RHBDD1: variants seen among roughly 807,000 people sequenced by gnomAD.
RHBDD1 encodes rhomboid-related protein 4.
RHBDD1 carries 38 observed loss-of-function variants against 36.3 expected under a neutral mutation model. The ratio of observed to expected loss-of-function variants is 1.05; its 90% CI spans 0.81 to 1.37. RHBDD1 has a LOEUF of 1.37. Ranked by LOEUF, RHBDD1 falls within the 40% of genes most tolerant of loss-of-function variation. The probability of loss-of-function intolerance (pLI) is 0.00; values close to 1 mark genes in which losing one functional copy is unlikely to be tolerated. For synonymous variants in RHBDD1, 151 were observed against 136.5 expected (o/e 1.11, Z -0.74); for missense variants, 393 against 377.6 (o/e 1.04, Z -0.34).
intron 8 of RHBDD1, among the ~76,000 whole-genome samples, chr2:226,982,252 T>A (rs1404011082): frequency 6.6e-6 from 1 of 152,250 alleles, no homozygotes; most frequent in African/African-American, 2.4e-5. Flanking sequence ...CAGAGCAGTT[T>A]GTCTTCCTCT....
At chr2:226,976,442 A>T (rs537423283) in intron 8 of RHBDD1, among the ~76,000 whole-genome samples, 78 of 152,052 alleles carry the variant, frequency 5.1e-4, no homozygotes, top group African/African-American at 1.8e-3. Flanking sequence ...GTTGTAAATT[A>T]TCAAAATGTG....
chr2:226,892,694 C>T (rs1946784385), intron 5 of RHBDD1, among the ~76,000 whole-genome samples: 2 of 152,162 alleles, frequency 1.3e-5, no homozygotes. Context: ...GTCTTGCCTA[C>T]TCTCGAAATG....
At chr2:226,986,372 C>T (rs1457733830) in intron 8 of RHBDD1, among the ~76,000 whole-genome samples, 1 of 152,106 alleles carries the variant, frequency 6.6e-6, no homozygotes, top group East Asian at 1.9e-4. Context: ...TTAGTTTCGA[C>T]AAATGTACTG....
chr2:226,913,094 G>A (rs1948635329), intron 7 of RHBDD1, among the ~76,000 whole-genome samples: 1 of 152,120 alleles, frequency 6.6e-6, no homozygotes. Flanking sequence ...AAAATTCTGA[G>A]CATGAAATCT....
chr2:226,940,793 A>G (rs939730548), intron 8 of RHBDD1, among the ~76,000 whole-genome samples: 1 of 152,106 alleles, frequency 6.6e-6, no homozygotes, highest in African/African-American at 2.4e-5. Context: ...CTGTCACAGT[A>G]TACTGGCCCA....
At chr2:226,893,678 C>A (rs185427405) in intron 5 of RHBDD1, among the ~76,000 whole-genome samples, 1 of 152,176 alleles carries the variant, frequency 6.6e-6, no homozygotes, top group Non-Finnish European at 1.5e-5. Context: ...TGGTTTTCCA[C>A]TGGGATGGGT....
chr2:226,869,147 C>T (rs955718592), intron 5 of RHBDD1: 1 of 984,356 alleles, frequency 1.0e-6, no homozygotes, highest in Non-Finnish European at 1.2e-6. Context: ...TTTAGGGTTC[C>T]CCCCAACTTA....
chr2:226,843,605 C>T (rs78532203), intron 3 of RHBDD1, among the ~76,000 whole-genome samples: 5,472 of 152,212 alleles, frequency 0.036, 342 homozygotes, highest in African/African-American at 0.13. Context: ...CAACCTGGCA[C>T]CCCGGGATGA....
chr2:226,977,342 GC>G (rs1954789361), intron 8 of RHBDD1, among the ~76,000 whole-genome samples: 1 of 152,096 alleles, frequency 6.6e-6, no homozygotes, highest in African/African-American at 2.4e-5. Context: ...TTGCTTTTCA[GC>G]CTTGTCTGCC....
Position 226,962,261 on chromosome 2 carries a change from C to T in RHBDD1, c.857-33170C>T, listed in dbSNP as rs147099494. Among the ~76,000 whole-genome samples the T allele has an allele frequency of 3.2e-3, 481 of 152,294 alleles. 1 individual carries two copies. Among genetic ancestry groups the T allele is most frequent in the Non-Finnish European group, 5.5e-3 (376 of 68,026 alleles). On this transcript the variant is annotated intron_variant, in intron 8 of 8. Coordinates refer to ENST00000392062, the MANE Select transcript of RHBDD1 (RefSeq NM_001167608.3). ...CTAGGAATCTATTTACAGTCAATTCCCAAGGCTCATTGTGCAGTCAGTGGT... is the reference window on the plus strand; with the variant it reads ...CTAGGAATCTATTTACAGTCAATTCTCAAGGCTCATTGTGCAGTCAGTGGT...
chr2:226,979,547 G>T (rs1955243982), intron 8 of RHBDD1, among the ~76,000 whole-genome samples: 1 of 152,046 alleles, frequency 6.6e-6, no homozygotes, highest in Non-Finnish European at 1.5e-5. Flanking sequence ...TACTTGGCTG[G>T]CTCATCATAT....
chr2:226,881,595 G>T (rs1335014383), intron 5 of RHBDD1, among the ~76,000 whole-genome samples: 1 of 151,722 alleles, frequency 6.6e-6, no homozygotes, highest in South Asian at 2.1e-4. Context: ...TGTCATTGGA[G>T]TATATTCCCA....
rs889990407 is a variant in RHBDD1 at position 226,997,700 on chromosome 2, A to T, written c.*2178A>T. 3.9e-5 allele frequency: 6 copies of T among 152,234 alleles called. No homozygotes were observed. The highest frequency in any genetic ancestry group is 8.8e-5 in the Non-Finnish European group (6 of 68,044). 9.4% of individuals were successfully genotyped at this position (152,234 alleles called of 1,614,324 possible). On this transcript the variant is annotated 3_prime_UTR_variant, in exon 9 of 9. Transcript: ENST00000392062. ...TGTTTGACTTGTCAGATACAAAGAC[A>T]CGGGATTAGATTTTGGGTGGTAAAA... is the stretch of plus-strand genomic sequence containing the variant.
intron 7 of RHBDD1, among the ~76,000 whole-genome samples, chr2:226,910,288 G>A (rs1422657740): frequency 6.6e-6 from 1 of 152,114 alleles, no homozygotes; most frequent in Non-Finnish European, 1.5e-5. Flanking sequence ...ATAATAAAAA[G>A]CCCTTTTTAC....
intron 5 of RHBDD1, chr2:226,869,159 A>G: frequency 3.0e-6 from 3 of 985,094 alleles, no homozygotes; most frequent in South Asian, 4.7e-5. Context: ...CCCAACTTAC[A>G]TGGAAAAGGG....
At chr2:226,812,110 A>T in the RHBDD1 span, among the ~76,000 whole-genome samples, 1 of 152,238 alleles carries the variant, frequency 6.6e-6, no homozygotes, top group Non-Finnish European at 1.5e-5. Context: ...GTCACTTGCA[A>T]CTGAATGAGC....
At chr2:226,986,014 G>A (rs1435432521) in intron 8 of RHBDD1, among the ~76,000 whole-genome samples, 1 of 152,244 alleles carries the variant, frequency 6.6e-6, no homozygotes, top group Non-Finnish European at 1.5e-5. Context: ...CCAGTGATAA[G>A]TCATGTTGAC....
chr2:226,902,672 T>C, intron 5 of RHBDD1, among the ~76,000 whole-genome samples: 1 of 152,342 alleles, frequency 6.6e-6, no homozygotes, highest in South Asian at 2.1e-4. Flanking sequence ...TCATTTTTAT[T>C]TTAAAATTGA....
intron 5 of RHBDD1, chr2:226,895,819 T>C (rs1209842772): frequency 1.0e-6 from 1 of 985,182 alleles, no homozygotes; most frequent in Non-Finnish European, 1.2e-6. Flanking sequence ...AGCAAAACTA[T>C]TTAGGCTTAT....
Sources: allele counts gnomAD v4.1 joint callset (sites outside exome capture counted in the v4.1 genomes callset), GRCh38; gene constraint gnomAD v4.1.1; transcripts MANE v1.5; gene names NCBI Gene and HGNC (gene_info 2026-07-23, HGNC 2026-07-21).